The following EPG5 variants were observed in gnomAD, a reference collection of about 807,000 sequenced individuals.
EPG5 encodes the protein ectopic P-granules 5 autophagy tethering factor.
Under a neutral mutation model 302.7 loss-of-function variants are expected in EPG5, and 159 were observed. That is an observed-to-expected ratio of 0.53 (90% CI 0.46 to 0.60). EPG5 has a LOEUF of 0.60. Ranked by LOEUF, EPG5 falls within the 20% of genes least tolerant of loss-of-function variation. EPG5 has a pLI of 0.00. For missense variants in EPG5, 2,896 were observed against 3,092.4 expected, an observed-to-expected ratio of 0.94 and a Z score of 1.51; for synonymous variants, 1,158 against 1,136.8, an observed-to-expected ratio of 1.02 and a Z score of -0.37.
chr18:45,829,149 G>C, the EPG5 span: 1 of 985,530 alleles, frequency 1.0e-6, no homozygotes, highest in Non-Finnish European at 1.2e-6. Context: ...CCCACAGCAG[G>C]GTCAGCCTGT....
In EPG5 at chr18:45,916,000, G is replaced by A. The variant is rs1326102674; in HGVS notation, c.3582+9C>T. ...CACTGAAAGATAAATTCTCTAACAG[G>A]TTAATTACCTTATGTTGTTGGTAGA... On this transcript the variant is annotated intron_variant, in intron 19 of 43. Coordinates refer to ENST00000282041, the MANE Select transcript of EPG5 (RefSeq NM_020964.3). 2 of 1,601,540 alleles carry A rather than the reference G, an allele frequency of 1.2e-6. No homozygotes were observed. Among genetic ancestry groups the A allele is most frequent in the Non-Finnish European group, 1.7e-6 (2 of 1,175,074 alleles).
At chr18:45,900,809 C>T (rs551460815) in intron 26 of EPG5, among the ~76,000 whole-genome samples, 187 bp downstream of exon 26, 2 of 152,312 alleles carry the variant, frequency 1.3e-5, no homozygotes, top group East Asian at 1.9e-4. Context: ...GAGAGTACCA[C>T]ATAATTTCGA....
intron 2 of EPG5, chr18:45,953,826 A>C (rs1010797008): frequency 2.0e-6 from 2 of 985,144 alleles, no homozygotes; most frequent in African/African-American, 3.5e-5. Flanking sequence ...CTCAATGGGG[A>C]AGACCATTGG....
chr18:45,875,744 A>C (rs1361270376), intron 35 of EPG5, among the ~76,000 whole-genome samples: 1 of 152,098 alleles, frequency 6.6e-6, no homozygotes, highest in African/African-American at 2.4e-5. Flanking sequence ...GCAACCTAAC[A>C]AAAAAAGGTA....
chr18:45,919,106 A>AT (rs1170356422), intron 16 of EPG5, among the ~76,000 whole-genome samples: 3 of 152,214 alleles, frequency 2.0e-5, no homozygotes, highest in African/African-American at 7.2e-5. Flanking sequence ...AAAATCAATG[A>AT]TTTTATGATG....
At chr18:45,853,372 T>G (rs1372401822) in intron 43 of EPG5, among the ~76,000 whole-genome samples, 1 of 152,204 alleles carries the variant, frequency 6.6e-6, no homozygotes, top group East Asian at 1.9e-4. Context: ...GACTCCAGAA[T>G]TTTGATTATT....
Position 45,946,739 on chromosome 18 carries a change from T to C in EPG5, c.1601A>G (p.Lys534Arg), listed in dbSNP as rs1281528739. ...GGAGGATGGCTTCCGCTCGCTGGGC[T>C]TCATGTGGCACATAAACTCAGCTCG... The part of the protein sequence containing the change: ...KNRAEFMCHM[K>R]PSERKPSSSG... Residue 534 changes from lysine (K) to arginine (R), a missense_variant, in exon 7 of 44, where the codon AAG becomes AGG. Transcript: ENST00000282041. The C allele has an allele frequency of 6.2e-7, 1 of 1,614,176 alleles. No homozygotes were observed. Among genetic ancestry groups the C allele is most frequent in the Admixed American group, 1.7e-5 (1 of 60,020 alleles).
At chr18:45,967,153 C>A (rs1183112470) in intron 1 of EPG5, 24 bp downstream of exon 1, 1 of 1,430,500 alleles carries the variant, frequency 7.0e-7, no homozygotes, top group South Asian at 1.2e-5. Flanking sequence ...GCCAGAGCCT[C>A]GGGAGGGTGG....
intron 31 of EPG5, among the ~76,000 whole-genome samples, chr18:45,881,959 G>A (rs2049107935): frequency 6.6e-6 from 1 of 152,284 alleles, no homozygotes; most frequent in South Asian, 2.1e-4. Context: ...GAGTAAGCCA[G>A]TCCTTTCCCA....
intron 9 of EPG5, among the ~76,000 whole-genome samples, chr18:45,941,191 A>G (rs1206869393): frequency 6.6e-6 from 1 of 152,224 alleles, no homozygotes; most frequent in Non-Finnish European, 1.5e-5. Flanking sequence ...CAGAAAAGGG[A>G]CTGTCAGTGA....
rs760372673 is a variant in EPG5 at position 45,866,963 on chromosome 18, T to C, written c.6456A>G (p.Ser2152=). 8.1e-6 allele frequency: 13 copies of C among 1,614,044 alleles called. No homozygotes were observed. Among genetic ancestry groups the C allele is most frequent in the Middle Eastern group, 3.3e-4 (2 of 6,084 alleles). Residue 2152 remains serine, a synonymous_variant, in exon 38 of 44, where the codon TCA becomes TCG. Coordinates refer to ENST00000282041, the MANE Select transcript of EPG5 (RefSeq NM_020964.3). ...ACGACACAATATCCACAAGATGCCATGAAAGTGAGCTTGTCTGTCCAAGGA... is the reference window on the plus strand; with the variant it reads ...ACGACACAATATCCACAAGATGCCACGAAAGTGAGCTTGTCTGTCCAAGGA... ...LSLLGQTSSL[S]WHLVDIVSYQ... is the part of the protein sequence containing the mutation.
chr18:45,826,717 T>G, the EPG5 span, among the ~76,000 whole-genome samples: 3 of 152,078 alleles, frequency 2.0e-5, no homozygotes, highest in Non-Finnish European at 4.4e-5. Context: ...CTGTATGGGG[T>G]CCTGGCTCCA....
At chr18:45,860,444 G>T in intron 39 of EPG5, 98 bp from the exon 40 acceptor site, 1 of 1,508,310 alleles carries the variant, frequency 6.6e-7, no homozygotes, top group Middle Eastern at 1.9e-4. Flanking sequence ...TGTTCTCCAG[G>T]CAGATTTTAC....
At chr18:45,812,137 A>G in the EPG5 span, among the ~76,000 whole-genome samples, 1 of 152,200 alleles carries the variant, frequency 6.6e-6, no homozygotes, top group Non-Finnish European at 1.5e-5. Flanking sequence ...ACAAACAGAG[A>G]GCCAAATCAT....
chr18:45,912,887 A>T (rs1281242593), intron 21 of EPG5, among the ~76,000 whole-genome samples: 1 of 152,214 alleles, frequency 6.6e-6, no homozygotes, highest in Non-Finnish European at 1.5e-5. Flanking sequence ...CAAGAGTTCA[A>T]GACCAGCCTG....
At chr18:45,944,206 C>G (rs909911331) in intron 7 of EPG5, 87 bp from the exon 8 acceptor site, 2 of 804,112 alleles carry the variant, frequency 2.5e-6, no homozygotes, top group African/African-American at 3.4e-5. Context: ...TATCACAGGT[C>G]TCAATGGTAT....
At chr18:45,872,787 G>A (rs1017793315) in intron 35 of EPG5, among the ~76,000 whole-genome samples, 6 of 152,050 alleles carry the variant, frequency 3.9e-5, no homozygotes, top group South Asian at 4.1e-4. Context: ...TCCACAACCC[G>A]GCATGGAACA....
rs1452845374 is a variant in EPG5 at position 45,946,750 on chromosome 18, C to T, written c.1590G>A (p.Met530Ile). The change falls in exon 7 of 44, where the codon ATG (methionine) becomes ATA (isoleucine). Residue 530 changes from methionine (M) to isoleucine (I), a missense_variant. By Grantham distance (10) the Met-to-Ile change is conservative (BLOSUM62 1). This residue lies in a region of EPG5 where 1,390 missense variants were observed against 1,430.0 expected (regional missense o/e 0.97). Transcript: ENST00000282041. ...MSPVKNRAEF[M>I]CHMKPSERKP... ...TCCGCTCGCTGGGCTTCATGTGGCACATAAACTCAGCTCGATTTCTAAAGG... is the reference window on the plus strand; with the variant it reads ...TCCGCTCGCTGGGCTTCATGTGGCATATAAACTCAGCTCGATTTCTAAAGG... 3.1e-6 allele frequency: 5 copies of T among 1,614,062 alleles called. No individual in the cohort carries two copies. The East Asian group carries it at 1.1e-4, about 36-fold the overall frequency.
intron 34 of EPG5, 41 bp downstream of exon 34, chr18:45,878,335 A>G: frequency 7.4e-7 from 1 of 1,355,848 alleles, no homozygotes; most frequent in East Asian, 2.3e-5. Context: ...TTTTAAGTCT[A>G]CAAACGTCAA....
Sources: allele counts gnomAD v4.1 joint callset (sites outside exome capture counted in the v4.1 genomes callset), GRCh38; gene constraint gnomAD v4.1.1; regional missense constraint gnomAD v4.1.1; transcripts MANE v1.5; gene names NCBI Gene and HGNC (gene_info 2026-07-23, HGNC 2026-07-21).